PPP3CC: variants seen among roughly 807,000 people sequenced by gnomAD.
PPP3CC encodes the protein protein phosphatase 3 catalytic subunit gamma.
Under a neutral mutation model 60.3 loss-of-function variants are expected in PPP3CC, and 35 were observed. That is an observed-to-expected ratio of 0.58 (90% CI 0.44 to 0.77). The LOEUF (loss-of-function observed/expected upper bound fraction) is 0.77, where lower values mean the gene tolerates loss of function less well. Ranked by LOEUF, PPP3CC falls within the 30% of genes least tolerant of loss-of-function variation. The pLI, the probability that PPP3CC is intolerant of heterozygous loss-of-function variation, is 0.00. For synonymous variants in PPP3CC, 206 were observed against 224.3 expected, an observed-to-expected ratio of 0.92 and a Z score of 0.73; for missense variants, 570 against 628.9, an observed-to-expected ratio of 0.91 and a Z score of 1.00.
intron 1 of PPP3CC, among the ~76,000 whole-genome samples, chr8:22,457,676 T>G (rs1256492654): frequency 6.6e-6 from 1 of 152,244 alleles, no homozygotes; most frequent in Non-Finnish European, 1.5e-5. Context: ...TTTATAATCT[T>G]CCGTACTTAC....
At chr8:22,444,526 A>C (rs778136397) in intron 1 of PPP3CC, among the ~76,000 whole-genome samples, 28 of 152,206 alleles carry the variant, frequency 1.8e-4, no homozygotes, top group Non-Finnish European at 3.7e-4. Flanking sequence ...AGCATAATGG[A>C]TATGTGGGTG....
intron 3 of PPP3CC, among the ~76,000 whole-genome samples, chr8:22,495,063 T>A (rs1448476896): frequency 6.6e-6 from 1 of 152,168 alleles, no homozygotes; most frequent in East Asian, 1.9e-4. Context: ...TCCTCCTGCC[T>A]CAGCCTCCTG....
intron 12 of PPP3CC, among the ~76,000 whole-genome samples, chr8:22,535,420 C>CT (rs1839822001): frequency 6.6e-6 from 1 of 152,142 alleles, no homozygotes; most frequent in Admixed American, 6.5e-5. Flanking sequence ...AGTTTAACTG[C>CT]TTTTTTTGCT....
chr8:22,474,598 G>T (rs939319192), intron 1 of PPP3CC, among the ~76,000 whole-genome samples: 3 of 152,130 alleles, frequency 2.0e-5, no homozygotes, highest in African/African-American at 7.2e-5. Context: ...CAGCTACTCA[G>T]AAGGCTGAGA....
intron 10 of PPP3CC, among the ~76,000 whole-genome samples, chr8:22,530,261 C>A (rs1256143703): frequency 6.6e-6 from 1 of 152,106 alleles, no homozygotes; most frequent in Non-Finnish European, 1.5e-5. Context: ...CGAATATCCC[C>A]CTGGGCAACA....
chr8:22,475,552 T>G lies in PPP3CC; in HGVS notation c.300T>G (p.Val100=). The change falls in exon 3 of 14, where the codon GTT becomes GTG. Residue 100 remains valine (V), a synonymous_variant. Transcript: ENST00000240139. ...QFFDLMKLFE[V]GGSPSNTRYL... The stretch of plus-strand genomic sequence containing the variant: ...TTGACCTAATGAAGTTATTTGAAGT[T>G]GGAGGATCACCTAGTAACACACGCT... 6.2e-7 allele frequency: 1 copy of G among 1,611,774 alleles called. No homozygotes were observed. Among genetic ancestry groups the G allele is most frequent in the South Asian group, 1.1e-5 (1 of 91,008 alleles).
chr8:22,524,082 A>C (rs1285826714), intron 8 of PPP3CC, among the ~76,000 whole-genome samples: 1 of 152,174 alleles, frequency 6.6e-6, no homozygotes, highest in African/African-American at 2.4e-5. Context: ...TGGAATAAGG[A>C]AAATGGATAT....
intron 4 of PPP3CC, 114 bp downstream of exon 4, chr8:22,498,226 T>A: frequency 1.7e-6 from 1 of 576,044 alleles, no homozygotes. Flanking sequence ...TGTCCTGTTG[T>A]TATTTTTTTC....
intron 3 of PPP3CC, among the ~76,000 whole-genome samples, chr8:22,493,487 G>T (rs951145896): frequency 6.6e-6 from 1 of 152,160 alleles, no homozygotes; most frequent in East Asian, 1.9e-4. Flanking sequence ...TTATGCAGCT[G>T]TACAAAAATA....
At chr8:22,459,194 T>A (rs923148102) in intron 1 of PPP3CC, among the ~76,000 whole-genome samples, 2 of 152,076 alleles carry the variant, frequency 1.3e-5, no homozygotes, top group African/African-American at 4.8e-5. Flanking sequence ...CACCTACACC[T>A]CCCAAGTAGC....
intron 3 of PPP3CC, among the ~76,000 whole-genome samples, chr8:22,490,326 G>C (rs767135264): frequency 1.3e-5 from 2 of 152,272 alleles, no homozygotes; most frequent in East Asian, 1.9e-4. Context: ...CTGGCAATCT[G>C]TATTCTGTCG....
chr8:22,466,289 A>G (rs199875425), intron 1 of PPP3CC, among the ~76,000 whole-genome samples: 2 of 152,234 alleles, frequency 1.3e-5, no homozygotes, highest in East Asian at 1.9e-4. Flanking sequence ...CAGTGCTGCA[A>G]TAAACATACG....
rs565201955 is a variant in PPP3CC, at chr8:22,531,219, T to C, written c.1142-1006T>C. 4.8e-5 allele frequency: 64 copies of C among 1,330,878 alleles called. No homozygotes were observed. In the African/African-American group the frequency reaches 9.0e-4, roughly 19 times the overall value. The allele number at this position is 1,330,878 out of a possible 1,614,324, so 82.4% of individuals were successfully genotyped here. On this transcript the variant is annotated intron_variant, in intron 10 of 13. Transcript: ENST00000240139. ...ATTGCATTTCACTTTGATTTTTTTTTCTCTTTTCCATGTAAACATAAATTT... is the reference window on the plus strand; with the variant it reads ...ATTGCATTTCACTTTGATTTTTTTTCCTCTTTTCCATGTAAACATAAATTT...
chr8:22,540,489 G>C (rs918126841), intron 13 of PPP3CC, 126 bp from the exon 14 acceptor site: 1 of 902,918 alleles, frequency 1.1e-6, no homozygotes, highest in African/African-American at 1.7e-5. Context: ...TTCACTAGAC[G>C]TGTGCTCCAT....
chr8:22,509,700 C>G (rs530440881), intron 4 of PPP3CC, among the ~76,000 whole-genome samples: 10 of 152,190 alleles, frequency 6.6e-5, no homozygotes, highest in African/African-American at 2.2e-4. Flanking sequence ...TTAAGCCAAA[C>G]ATTTATTTTT....
intron 4 of PPP3CC, among the ~76,000 whole-genome samples, chr8:22,505,428 G>C (rs539156671): frequency 6.6e-6 from 1 of 152,112 alleles, no homozygotes; most frequent in Non-Finnish European, 1.5e-5. Flanking sequence ...ATGACAACTG[G>C]ATTTTTTAAA....
chr8:22,493,047 G>C, intron 3 of PPP3CC: 1 of 1,411,414 alleles, frequency 7.1e-7, no homozygotes. Context: ...TCCAGCTCTT[G>C]TGGAGAATTT....
intron 3 of PPP3CC, among the ~76,000 whole-genome samples, chr8:22,492,252 A>G (rs79599929): frequency 3.3e-5 from 5 of 151,984 alleles, no homozygotes; most frequent in East Asian, 1.9e-4. Flanking sequence ...AAAAAAAAAA[A>G]GAGAAAAAAT....
At chr8:22,493,824 A>G (rs1838481366) in intron 3 of PPP3CC, among the ~76,000 whole-genome samples, 1 of 152,234 alleles carries the variant, frequency 6.6e-6, no homozygotes, top group Non-Finnish European at 1.5e-5. Flanking sequence ...AGTAATTATT[A>G]AAAGTATGGT....
Sources: allele counts gnomAD v4.1 joint callset (sites outside exome capture counted in the v4.1 genomes callset), GRCh38; gene constraint gnomAD v4.1.1; transcripts MANE v1.5; gene names NCBI Gene and HGNC (gene_info 2026-07-23, HGNC 2026-07-21).